The following MMD2 variants were observed in gnomAD, a reference collection of about 807,000 sequenced individuals.
The protein encoded by MMD2 is monocyte to macrophage differentiation associated 2.
A neutral mutation model predicts 33.5 loss-of-function variants in MMD2; 30 were observed. The ratio of observed to expected loss-of-function variants is 0.90; its 90% CI spans 0.67 to 1.22. MMD2 has a LOEUF of 1.22. Among genes scored for constraint, MMD2 ranks in the 50% most tolerant of loss-of-function variants. The pLI is 0.00. For synonymous variants in MMD2, 129 were observed against 123.0 expected (o/e 1.05, Z -0.32); for missense variants, 364 against 325.4 (o/e 1.12, Z -0.91).
intron 1 of MMD2, among the ~76,000 whole-genome samples, chr7:4,934,011 C>G (rs1785667607): frequency 6.9e-6 from 1 of 145,246 alleles, no homozygotes; most frequent in African/African-American, 2.6e-5. Context: ...CTCACTGTAA[C>G]CTCTCCCTCC....
chr7:4,901,835 A>C (rs1275435801), downstream of MMD2, among the ~76,000 whole-genome samples: 1 of 152,260 alleles, frequency 6.6e-6, no homozygotes, highest in Non-Finnish European at 1.5e-5. Flanking sequence ...GACCAATTAC[A>C]TACATTGCTT....
At chr7:4,929,217 C>T (rs1011031121) in intron 1 of MMD2, among the ~76,000 whole-genome samples, 5 of 152,120 alleles carry the variant, frequency 3.3e-5, no homozygotes, top group African/African-American at 4.8e-5. Flanking sequence ...CAAGTGACTT[C>T]AACACCAGGG....
chr7:4,915,616 T>C (rs1371100779), intron 4 of MMD2, among the ~76,000 whole-genome samples: 1 of 151,900 alleles, frequency 6.6e-6, no homozygotes, highest in Non-Finnish European at 1.5e-5. Context: ...GGCGCGTGCC[T>C]GTAATCCCAG....
chr7:4,900,288 T>G, the MMD2 span, among the ~76,000 whole-genome samples: 1 of 151,986 alleles, frequency 6.6e-6, no homozygotes, highest in African/African-American at 2.4e-5. Flanking sequence ...AAAACAGTAA[T>G]TTCATCTTGT....
chr7:4,910,486 G>T (rs1483755842), intron 5 of MMD2, among the ~76,000 whole-genome samples: 2 of 151,926 alleles, frequency 1.3e-5, no homozygotes, highest in South Asian at 4.2e-4. Context: ...CCCATCACTC[G>T]AAAGAATGGG....
chr7:4,923,655 G>A (rs1018912269), intron 2 of MMD2, among the ~76,000 whole-genome samples: 3 of 152,052 alleles, frequency 2.0e-5, no homozygotes, highest in African/African-American at 7.2e-5. Context: ...CGATGAGTTA[G>A]CTTGTGGCTT....
chr7:4,899,992 G>A, the MMD2 span, among the ~76,000 whole-genome samples: 1 of 152,012 alleles, frequency 6.6e-6, no homozygotes, highest in African/African-American at 2.4e-5. Flanking sequence ...TATGTGAGCA[G>A]ACAGATCTCC....
chr7:4,941,197 T>A (rs1422832055), intron 1 of MMD2, among the ~76,000 whole-genome samples: 1 of 152,170 alleles, frequency 6.6e-6, no homozygotes, highest in African/African-American at 2.4e-5. Flanking sequence ...TCCTTCCACC[T>A]GACCTAGGGG....
the MMD2 span, among the ~76,000 whole-genome samples, chr7:4,899,585 G>A: frequency 3.3e-5 from 5 of 151,984 alleles, no homozygotes; most frequent in Non-Finnish European, 5.9e-5. Flanking sequence ...ACAGTGGGAG[G>A]GAGCTTCACT....
intron 1 of MMD2, among the ~76,000 whole-genome samples, chr7:4,938,002 C>CTTTT (rs1165504272): frequency 5.3e-3 from 242 of 45,656 alleles, no homozygotes; most frequent in African/African-American, 7.5e-3. Context: ...TTCTTTCTTT[C>CTTTT]TTTTTTTTTT....
chr7:4,940,095 G>A lies in MMD2; in HGVS notation c.48-14563C>T, dbSNP rs1034997695. On this transcript the variant is annotated intron_variant, in intron 1 of 6. Transcript: ENST00000401401. The surrounding 1 kb of genome is among the most constrained non-coding windows in gnomAD (Gnocchi z 5.0). ...GGCAGCGCAGGTCTGTTGAAGGTCC[G>A]ATGACGCCAGGAGAGTGGCTGCCCT... Among the ~76,000 whole-genome samples the A allele has an allele frequency of 1.3e-5, 2 of 152,128 alleles. No homozygotes were observed. Among genetic ancestry groups the A allele is most frequent in the East Asian group, 1.9e-4 (1 of 5,188 alleles).
At chr7:4,909,276 G>A (rs1186075169) in intron 6 of MMD2, among the ~76,000 whole-genome samples, 2 of 151,638 alleles carry the variant, frequency 1.3e-5, no homozygotes, top group Admixed American at 1.3e-4. Context: ...AAGCCCAGGA[G>A]ATCGAGACCA....
At chr7:4,898,649 C>T in the MMD2 span, among the ~76,000 whole-genome samples, 1 of 152,194 alleles carries the variant, frequency 6.6e-6, no homozygotes, top group Non-Finnish European at 1.5e-5. Context: ...GTAATTGCAG[C>T]ACTTCAGGAG....
chr7:4,938,807 C>T (rs991441478), intron 1 of MMD2, among the ~76,000 whole-genome samples: 1 of 152,088 alleles, frequency 6.6e-6, no homozygotes, highest in Admixed American at 6.6e-5. Flanking sequence ...TCATGTACTA[C>T]CTCAATGATC....
At position 4,907,005 on chromosome 7, in the gene MMD2, G is replaced by A. The variant is rs947249522; in HGVS notation, c.*391C>T. On this transcript the variant is annotated 3_prime_UTR_variant, in exon 7 of 7. Coordinates refer to ENST00000401401, the MANE Select transcript of MMD2 (RefSeq NM_198403.4). ...CTGGACTTTGGTAACAGAGAGGGAGGCCCTGGCCACCCAGGTATAAACAAC... is the reference window on the plus strand; with the variant it reads ...CTGGACTTTGGTAACAGAGAGGGAGACCCTGGCCACCCAGGTATAAACAAC... The A allele has an allele frequency of 4.4e-6, 1 of 229,282 alleles. No homozygotes were observed. Among genetic ancestry groups the A allele is most frequent in the East Asian group, 1.1e-4 (1 of 9,296 alleles). The allele number at this position is 229,282 out of a possible 1,614,324, so 14.2% of individuals were successfully genotyped here.
chr7:4,931,960 A>C (rs950022639), intron 1 of MMD2, among the ~76,000 whole-genome samples: 1 of 152,132 alleles, frequency 6.6e-6, no homozygotes, highest in African/African-American at 2.4e-5. Context: ...TCCGGAGACC[A>C]ACTATGAGGG....
In MMD2 at chr7:4,940,170, T is replaced by C. The variant is rs373397824; in HGVS notation, c.48-14638A>G. On this transcript the variant is annotated intron_variant, in intron 1 of 6. Coordinates refer to ENST00000401401, the MANE Select transcript of MMD2 (RefSeq NM_198403.4). This position sits in a 1 kb window ranked among gnomAD's most constrained non-coding sequence, Gnocchi z 5.0. ...GGGGTGTGAAGGGGTTCCTGAGGCC[T>C]GGCATGTTGAGCATCCTGACCTGGG... is the stretch of plus-strand genomic sequence containing the variant. Among the ~76,000 whole-genome samples the C allele has an allele frequency of 7.5e-4, 114 of 152,238 alleles. 1 individual carries two copies. In the South Asian group the frequency reaches 0.022, roughly 29 times the overall value.
rs772817672 is a variant in MMD2 at position 4,911,121 on chromosome 7, C to T, written c.467+24G>A. On this transcript the variant is annotated intron_variant, in intron 5 of 6. Coordinates refer to ENST00000401401, the MANE Select transcript of MMD2 (RefSeq NM_198403.4). The stretch of plus-strand genomic sequence containing the variant: ...GAGCATCTAAGGGAATCCCGCCTCC[C>T]TGAAGCCCCCAGGCCTGGCTTACCG... 2.6e-6 allele frequency: 4 copies of T among 1,553,894 alleles called. No individual in the cohort carries two copies. The African/African-American group carries it at 5.5e-5, about 21-fold the overall frequency.
intron 4 of MMD2, among the ~76,000 whole-genome samples, chr7:4,915,528 T>C (rs1583361777): frequency 6.6e-6 from 1 of 151,648 alleles, no homozygotes; most frequent in Admixed American, 6.6e-5. Context: ...TCACTGGAGG[T>C]TAGGAGTTCG....
Sources: gnomAD v4.1 joint callset for allele counts (sites outside exome capture counted in the v4.1 genomes callset) on GRCh38, gnomAD v4.1.1 for gene constraint, Gnocchi (gnomAD v3.1) non-coding constraint, MANE v1.5 for transcripts, NCBI Gene and HGNC (gene_info 2026-07-23, HGNC 2026-07-21) for gene names.